PKHD1: variants seen among roughly 807,000 people sequenced by gnomAD.
PKHD1 encodes PKHD1 ciliary IPT domain containing fibrocystin/polyductin, also known as fibrocystin.
Under a neutral mutation model 412.0 loss-of-function variants are expected in PKHD1, and 291 were observed. The ratio of observed to expected loss-of-function variants is 0.71; its 90% confidence interval spans 0.64 to 0.78. The LOEUF (loss-of-function observed/expected upper bound fraction) is 0.78, where lower values mean the gene tolerates loss of function less well. Ranked by LOEUF, PKHD1 falls within the 30% of genes least tolerant of loss-of-function variation. The pLI is 0.00. For missense variants in PKHD1, 4,825 were observed against 4,950.7 expected (o/e 0.97, Z 0.76); for synonymous variants, 1,777 against 1,821.5 (o/e 0.98, Z 0.62).
rs1766207794 is a variant in PKHD1 at position 51,618,017 on chromosome 6, G to T, written c.*1064C>A. 1 of 152,174 alleles carries T rather than the reference G, an allele frequency of 6.6e-6. No individual in the cohort carries two copies. Among genetic ancestry groups the T allele is most frequent in the African/African-American group, 2.4e-5 (1 of 41,428 alleles). 9.4% of individuals were successfully genotyped at this position (152,174 alleles called of 1,614,324 possible). On this transcript the variant is annotated 3_prime_UTR_variant, in exon 67 of 67. Coordinates refer to ENST00000371117, the MANE Select transcript of PKHD1 (RefSeq NM_138694.4). ...CCAGAGCCAAGGACACAGTCAGGCT[G>T]TTTAAAGTATTCTTCAGTTTGAAAA...
chr6:51,774,650 G>T (rs533694107), intron 54 of PKHD1, among the ~76,000 whole-genome samples: 1 of 152,022 alleles, frequency 6.6e-6, no homozygotes, highest in South Asian at 2.1e-4. Flanking sequence ...ATGGAACTAA[G>T]TTAAGAAACT....
At chr6:51,933,740 C>T (rs980447558) in intron 37 of PKHD1, among the ~76,000 whole-genome samples, 1 of 152,224 alleles carries the variant, frequency 6.6e-6, no homozygotes, top group Admixed American at 6.5e-5. Flanking sequence ...GGTCTTAAAA[C>T]CTTCACTTGG....
chr6:51,753,060 C>T (rs1786358465), intron 57 of PKHD1, 141 bp downstream of exon 57: 1 of 733,654 alleles, frequency 1.4e-6, no homozygotes, highest in Non-Finnish European at 2.3e-6. Flanking sequence ...ACTGAAAATT[C>T]ATAGCTTCTC....
chr6:51,975,983 A>C (rs916494272), intron 35 of PKHD1: 14 of 151,122 alleles, frequency 9.3e-5, no homozygotes, highest in Middle Eastern at 3.4e-3. Flanking sequence ...AAAAAAAAAA[A>C]AAAAAAACAG....
chr6:51,893,539 T>C (rs1779423464), intron 43 of PKHD1, among the ~76,000 whole-genome samples: 1 of 152,200 alleles, frequency 6.6e-6, no homozygotes, highest in African/African-American at 2.4e-5. Flanking sequence ...ACTCCAATTG[T>C]GTATGCTACA....
intron 12 of PKHD1, among the ~76,000 whole-genome samples, chr6:52,065,294 T>G (rs532030243): frequency 4.0e-5 from 6 of 150,556 alleles, no homozygotes; most frequent in Non-Finnish European, 8.9e-5. Flanking sequence ...GTGGATGGAA[T>G]AGCGAAAGTT....
chr6:52,036,535 C>T (rs539898779), intron 27 of PKHD1, among the ~76,000 whole-genome samples: 61 of 152,314 alleles, frequency 4.0e-4, no homozygotes, highest in Admixed American at 1.5e-3. Flanking sequence ...GCCTTACCCC[C>T]CCTTGAGGGT....
chr6:51,623,450 TTGAG>T (rs956345585), intron 66 of PKHD1, among the ~76,000 whole-genome samples: 5 of 152,192 alleles, frequency 3.3e-5, no homozygotes, highest in South Asian at 2.1e-4. Flanking sequence ...GACATTATAT[TTGAG>T]TGAGTTATTC....
chr6:52,053,611 G>A (rs1807226912), intron 20 of PKHD1, among the ~76,000 whole-genome samples: 1 of 152,124 alleles, frequency 6.6e-6, no homozygotes, highest in South Asian at 2.1e-4. Flanking sequence ...GTTTCATTTA[G>A]GTTTAAGACC....
intron 60 of PKHD1, among the ~76,000 whole-genome samples, chr6:51,691,341 A>C (rs566738710): frequency 6.6e-6 from 1 of 152,212 alleles, no homozygotes; most frequent in Non-Finnish European, 1.5e-5. Flanking sequence ...TTCTATTATA[A>C]AGACACATGC....
chr6:51,989,795 A>G (rs1026645933), intron 35 of PKHD1, among the ~76,000 whole-genome samples: 2 of 148,502 alleles, frequency 1.3e-5, no homozygotes, highest in African/African-American at 5.0e-5. Context: ...TATCTGCTGA[A>G]CTCCCAGTAA....
At chr6:51,707,549 A>T (rs905119617) in intron 60 of PKHD1, among the ~76,000 whole-genome samples, 5 of 152,180 alleles carry the variant, frequency 3.3e-5, no homozygotes, top group African/African-American at 1.2e-4. Context: ...GGATCTTAAC[A>T]GATCCTTTCC....
At chr6:51,760,158 T>A (rs948509154) in intron 55 of PKHD1, among the ~76,000 whole-genome samples, 10 of 152,136 alleles carry the variant, frequency 6.6e-5, no homozygotes, top group African/African-American at 2.2e-4. Context: ...CAAAATAAAT[T>A]ATAGTAGTAT....
chr6:51,793,281 T>A (rs1794050371), intron 52 of PKHD1, among the ~76,000 whole-genome samples: 1 of 152,240 alleles, frequency 6.6e-6, no homozygotes, highest in South Asian at 2.1e-4. Context: ...TTCATGACTT[T>A]AAGAATTATT....
At chr6:51,752,340 CA>C (rs1382000926) in intron 57 of PKHD1, among the ~76,000 whole-genome samples, 1 of 152,144 alleles carries the variant, frequency 6.6e-6, no homozygotes, top group Admixed American at 6.6e-5. Context: ...CAAGTTGTGA[CA>C]AGTAAAAATG....
chr6:51,850,882 C>G (rs556695169), intron 49 of PKHD1, among the ~76,000 whole-genome samples: 36 of 152,202 alleles, frequency 2.4e-4, no homozygotes, highest in African/African-American at 8.2e-4. Flanking sequence ...TTTCAATGCC[C>G]TTTATTTCTT....
rs1415143937 is a variant in PKHD1, at chr6:51,807,453, AAAAAAAT to A, written c.8303-16087_8303-16081del. On this transcript the variant is annotated intron_variant, in intron 52 of 66. Transcript: ENST00000371117. ...ACTCTGTCTCAAAAAAAAAAAAAAAAAAAAAATATATATATATATATATATATGTATA... is the reference window on the plus strand; with the variant it reads ...ACTCTGTCTCAAAAAAAAAAAAAAAAATATATATATATATATATATGTATA... Among the ~76,000 whole-genome samples, 83 of 42,880 alleles carry A rather than the reference AAAAAAAT, an allele frequency of 1.9e-3. 1 individual carries two copies. Among genetic ancestry groups the A allele is most frequent in the South Asian group, 3.8e-3 (3 of 794 alleles). The allele number at this position is 42,880 out of a possible 152,430, so 28.1% of individuals were successfully genotyped here.
chr6:51,900,411 G>A (rs1239633149), intron 43 of PKHD1, among the ~76,000 whole-genome samples: 1 of 152,152 alleles, frequency 6.6e-6, no homozygotes, highest in Non-Finnish European at 1.5e-5. Context: ...AGAAAAACAA[G>A]CAATGGGGAA....
chr6:51,883,239 A>C lies in PKHD1; in HGVS notation c.7216-12T>G. 8 of 1,612,082 alleles carry C rather than the reference A, an allele frequency of 5.0e-6. No individual in the cohort carries two copies. The highest frequency in any genetic ancestry group is 6.8e-6 in the Non-Finnish European group (8 of 1,178,386). On this transcript the variant is annotated splice_polypyrimidine_tract_variant and intron_variant, in intron 45 of 66. Coordinates refer to ENST00000371117, the MANE Select transcript of PKHD1 (RefSeq NM_138694.4). ...CTACTTCTAAAAATCTATAAAATAC[A>C]GCATGTTACAGCAAAGGTCTGAGGC...
Sources: gnomAD v4.1 joint callset for allele counts (sites outside exome capture counted in the v4.1 genomes callset) on GRCh38, gnomAD v4.1.1 for gene constraint, MANE v1.5 for transcripts, NCBI Gene and HGNC (gene_info 2026-07-23, HGNC 2026-07-21) for gene names.